TMEM114: variants seen among roughly 807,000 people sequenced by gnomAD.
The protein encoded by TMEM114 is transmembrane protein 114.
In TMEM114, 6 loss-of-function variants were observed where a neutral mutation model predicts 6.2. The observed-to-expected ratio is 0.97, with a 90% CI of 0.53 to 1.91. TMEM114 has a LOEUF of 1.91. Among genes scored for constraint, TMEM114 ranks in the 40% most tolerant of loss-of-function variants. TMEM114 has a pLI of 0.01. For synonymous variants in TMEM114, 104 were observed against 73.0 expected, an observed-to-expected ratio of 1.42 and a Z score of -2.16; for missense variants, 218 against 158.3, an observed-to-expected ratio of 1.38 and a Z score of -2.02.
downstream of TMEM114, among the ~76,000 whole-genome samples, chr16:8,568,629 T>A (rs1171072097): frequency 6.6e-6 from 1 of 152,222 alleles, no homozygotes; most frequent in Non-Finnish European, 1.5e-5. Context: ...CGTGTTGTCA[T>A]CTTTTAATCC....
chr16:8,574,582 C>CTTCTTTCCTTCTTTCTTTCT (rs1555465159), intron 2 of TMEM114, among the ~76,000 whole-genome samples: 1 of 142,462 alleles, frequency 7.0e-6, no homozygotes, highest in Admixed American at 7.1e-5. Context: ...TCCTTCCTTC[C>CTTCTTTCCTTCTTTCTTTCT]TTCTTTCTTT....
At chr16:8,575,208 C>G (rs1167457436) in intron 2 of TMEM114, among the ~76,000 whole-genome samples, 1 of 152,194 alleles carries the variant, frequency 6.6e-6, no homozygotes, top group Non-Finnish European at 1.5e-5. Flanking sequence ...GGACAAATGA[C>G]TGGACCACTC....
intron 2 of TMEM114, among the ~76,000 whole-genome samples, chr16:8,553,162 C>G (rs1900899340): frequency 6.6e-6 from 1 of 152,226 alleles, no homozygotes; most frequent in Non-Finnish European, 1.5e-5. Context: ...CCGTTTCATT[C>G]CTCTGGTCTG....
downstream of TMEM114, among the ~76,000 whole-genome samples, chr16:8,533,473 C>T (rs1465269423): frequency 6.6e-6 from 1 of 152,150 alleles, no homozygotes; most frequent in African/African-American, 2.4e-5. Flanking sequence ...GGTTATGGTT[C>T]ATGTCGGAGC....
At chr16:8,563,982 G>C (rs139910003) in intron 2 of TMEM114, among the ~76,000 whole-genome samples, 779 of 145,486 alleles carry the variant, frequency 5.4e-3, no homozygotes, top group Middle Eastern at 0.029. Context: ...AGTGAGTGAG[G>C]GAGGGCGGGA....
At chr16:8,528,706 T>A in the TMEM114 span, among the ~76,000 whole-genome samples, 3 of 152,226 alleles carry the variant, frequency 2.0e-5, no homozygotes, top group African/African-American at 7.2e-5. Flanking sequence ...AATTTAAAAA[T>A]GCATGAACTT....
At chr16:8,563,780 A>AAT (rs1901389952) in intron 2 of TMEM114, among the ~76,000 whole-genome samples, 1 of 103,548 alleles carries the variant, frequency 9.7e-6, no homozygotes, top group African/African-American at 2.8e-5. Context: ...TGAGTGAATG[A>AAT]CTGAGTGAGT....
At chr16:8,531,824 G>T in the TMEM114 span, 1 of 152,212 alleles carries the variant, frequency 6.6e-6, no homozygotes, top group African/African-American at 2.4e-5. Flanking sequence ...CACTCAGAGG[G>T]ATTGTCAATT....
At chr16:8,550,525 A>G (rs940451676) in intron 2 of TMEM114, among the ~76,000 whole-genome samples, 18 of 152,030 alleles carry the variant, frequency 1.2e-4, no homozygotes, top group African/African-American at 4.1e-4. Context: ...CTAAAAATAC[A>G]AAATTAGCCT....
At chr16:8,531,148 C>T in the TMEM114 span, among the ~76,000 whole-genome samples, 1 of 152,192 alleles carries the variant, frequency 6.6e-6, no homozygotes, top group East Asian at 1.9e-4. Flanking sequence ...ATGTAGACAA[C>T]AACACTACTC....
chr16:8,543,085 T>C (rs1262562496), intron 2 of TMEM114, among the ~76,000 whole-genome samples: 2 of 152,156 alleles, frequency 1.3e-5, no homozygotes, highest in Admixed American at 6.5e-5. Flanking sequence ...TAATTAATTT[T>C]TCCCCCTTTC....
At chr16:8,583,166 C>T (rs34186827) in intron 2 of TMEM114, among the ~76,000 whole-genome samples, 1 of 152,216 alleles carries the variant, frequency 6.6e-6, no homozygotes, top group African/African-American at 2.4e-5. Flanking sequence ...TGGTGTCCAG[C>T]ACACAGCAAC....
chr16:8,569,590 A>C lies in TMEM114; in HGVS notation c.*183T>G. 2 of 1,429,312 alleles carry C rather than the reference A, an allele frequency of 1.4e-6. No individual in the cohort carries two copies. Among genetic ancestry groups the C allele is most frequent in the African/African-American group, 1.4e-5 (1 of 69,700 alleles). The allele number at this position is 1,429,312 out of a possible 1,614,324, so 88.5% of individuals were successfully genotyped here. A position where few individuals can be genotyped will look rare whatever the true frequency, so the allele number is the denominator to read the frequency against. Reference sequence around the variant, plus strand: ...CACACGGACACACACGGACATAAGCACACAGGTACTAGGATAACAGCCAGG... The same window carrying C: ...CACACGGACACACACGGACATAAGCCCACAGGTACTAGGATAACAGCCAGG... On this transcript the variant is annotated 3_prime_UTR_variant, in exon 4 of 4. Coordinates refer to ENST00000620492, the MANE Select transcript of TMEM114 (RefSeq NM_001146336.2).
downstream of TMEM114, among the ~76,000 whole-genome samples, chr16:8,534,890 G>T (rs1900313068): frequency 6.6e-6 from 1 of 152,194 alleles, no homozygotes; most frequent in South Asian, 2.1e-4. Flanking sequence ...TGGGATCTTG[G>T]GAAGATTAGA....
At chr16:8,533,855 T>C (rs1296113270), downstream of TMEM114, among the ~76,000 whole-genome samples, 2 of 152,182 alleles carry the variant, frequency 1.3e-5, no homozygotes, top group East Asian at 1.9e-4. Flanking sequence ...ATGTGCTCCT[T>C]GGAAGAGAGT....
intron 2 of TMEM114, among the ~76,000 whole-genome samples, chr16:8,549,235 C>T (rs1481936667): frequency 7.0e-6 from 1 of 143,642 alleles, no homozygotes; most frequent in Admixed American, 7.0e-5. Flanking sequence ...GGTGGTGGCT[C>T]ACACCTATAA....
chr16:8,530,909 C>G, the TMEM114 span, among the ~76,000 whole-genome samples: 1 of 152,038 alleles, frequency 6.6e-6, no homozygotes, highest in Non-Finnish European at 1.5e-5. Flanking sequence ...CATATAATCC[C>G]AGCTACTCAG....
At chr16:8,576,711 GAA>G in intron 2 of TMEM114, among the ~76,000 whole-genome samples, 1 of 16,586 alleles carries the variant, frequency 6.0e-5, no homozygotes, top group Non-Finnish European at 1.3e-4. Context: ...GAGCAGGAAG[GAA>G]GGAAGGAAGG....
chr16:8,577,345 T>G (rs1219628692), intron 2 of TMEM114, among the ~76,000 whole-genome samples: 1 of 152,222 alleles, frequency 6.6e-6, no homozygotes. Context: ...GCAAACTTCC[T>G]GAACCTTGGA....
Sources: gnomAD v4.1 joint callset for allele counts (sites outside exome capture counted in the v4.1 genomes callset) on GRCh38, gnomAD v4.1.1 for gene constraint, MANE v1.5 for transcripts, NCBI Gene and HGNC (gene_info 2026-07-23, HGNC 2026-07-21) for gene names.